Variants in CLASP2 observed in about 807,000 individuals in gnomAD.
CLASP2 encodes CLIP-associating protein 2.
CLASP2 carries 47 observed loss-of-function variants against 194.4 expected under a neutral mutation model. The observed-to-expected ratio is 0.24, with a 90% CI of 0.19 to 0.31. The LOEUF (loss-of-function observed/expected upper bound fraction) is 0.31. Among genes scored for constraint, CLASP2 ranks in the 10% least tolerant of loss-of-function variants. The pLI, the probability that CLASP2 is intolerant of heterozygous loss-of-function variation, is 1.00. For missense variants in CLASP2, 1,445 were observed against 1,823.6 expected, an observed-to-expected ratio of 0.79 and a Z score of 3.78; for synonymous variants, 619 against 633.5, an observed-to-expected ratio of 0.98 and a Z score of 0.34.
At chr3:33,679,866 T>G (rs920025900) in intron 6 of CLASP2, among the ~76,000 whole-genome samples, 2 of 152,188 alleles carry the variant, frequency 1.3e-5, no homozygotes, top group East Asian at 3.8e-4. Flanking sequence ...TGCAACACAG[T>G]GATTGCATTC....
chr3:33,687,607 T>C (rs1396205409), intron 4 of CLASP2, among the ~76,000 whole-genome samples: 1 of 152,178 alleles, frequency 6.6e-6, no homozygotes, highest in Non-Finnish European at 1.5e-5. Flanking sequence ...TTATAGGCTC[T>C]AGAGGGCAGA....
At chr3:33,693,966 C>T (rs2091617541) in intron 2 of CLASP2, among the ~76,000 whole-genome samples, 1 of 151,760 alleles carries the variant, frequency 6.6e-6, no homozygotes, top group South Asian at 2.1e-4. Context: ...AAGTATTTAA[C>T]TGTATTAAGA....
At chr3:33,620,282 C>T (rs938411717) in intron 11 of CLASP2, among the ~76,000 whole-genome samples, 1 of 152,156 alleles carries the variant, frequency 6.6e-6, no homozygotes, top group African/African-American at 2.4e-5. Context: ...TACAACTCTA[C>T]CATATCTTAT....
intron 9 of CLASP2, among the ~76,000 whole-genome samples, chr3:33,628,144 GAGAGTA>G (rs1009438410): frequency 6.6e-6 from 1 of 152,160 alleles, no homozygotes; most frequent in African/African-American, 2.4e-5. Context: ...TTGCTTAACA[GAGAGTA>G]AGAGCAAGAG....
intron 23 of CLASP2, among the ~76,000 whole-genome samples, chr3:33,579,768 G>C (rs977387331): frequency 1.1e-4 from 17 of 152,106 alleles, no homozygotes; most frequent in Non-Finnish European, 2.5e-4. Context: ...TTATAGATGA[G>C]GAAACTCAGG....
rs1575561323 is a variant in CLASP2 at position 33,501,566 on chromosome 3, T to C, written c.4434+86A>G. The C allele has an allele frequency of 3.8e-6, 3 of 786,340 alleles. No homozygotes were observed. In the Middle Eastern group the frequency reaches 7.9e-4, roughly 208 times the overall value. 48.7% of individuals were successfully genotyped at this position (786,340 alleles called of 1,614,324 possible). On this transcript the variant is annotated intron_variant, in intron 38 of 38. Transcript: ENST00000682230. ...AAAGCCTGACTTATTAAATGCCAAA[T>C]AAAAAGCTTACTGTTACAGACATGT...
At chr3:33,687,268 G>A (rs2090793173) in intron 4 of CLASP2, 133 bp from the exon 5 acceptor site, 2 of 575,508 alleles carry the variant, frequency 3.5e-6, no homozygotes, top group Non-Finnish European at 6.1e-6. Context: ...ATTAAAACAT[G>A]AAGGATATGA....
intron 8 of CLASP2, among the ~76,000 whole-genome samples, chr3:33,639,541 T>C (rs1163166986): frequency 6.6e-6 from 1 of 152,232 alleles, no homozygotes; most frequent in African/African-American, 2.4e-5. Flanking sequence ...GTCACTTTAA[T>C]TTTTGCACAG....
At position 33,544,628 on chromosome 3, in the gene CLASP2, T is replaced by C. The variant is rs138207962; in HGVS notation, c.3297+70A>G. ...TATTAAGGATCAAGTTTACTTCGTA[T>C]AAAAGAAAGCAATTATTATTAAATC... On this transcript the variant is annotated intron_variant, in intron 31 of 38. Coordinates refer to ENST00000682230, the MANE Select transcript of CLASP2 (RefSeq NM_001365631.1). 321 of 1,413,820 alleles carry C rather than the reference T, an allele frequency of 2.3e-4. 4 individuals are homozygous for C. The African/African-American group carries it at 4.2e-3, about 18-fold the overall frequency. The allele number at this position is 1,413,820 out of a possible 1,614,324, so 87.6% of individuals were successfully genotyped here.
rs574683962 is a variant in CLASP2 at position 33,555,957 on chromosome 3, A to C, written c.3009+3350T>G. 2.0e-5 allele frequency among the ~76,000 whole-genome samples: 3 copies of C among 152,286 alleles called. No homozygotes were observed. The East Asian group carries it at 5.8e-4, about 29-fold the overall frequency. On this transcript the variant is annotated intron_variant, in intron 29 of 38. Transcript: ENST00000682230. ...CATTTGAACATGTATATTTATTAGG[A>C]TATTTTACAAGGTTATACCTAGTTT...
At position 33,581,925 on chromosome 3, in the gene CLASP2, C is replaced by T. The variant is rs2066241470; in HGVS notation, c.2243G>A (p.Arg748Gln). The change falls in exon 23 of 39, where the codon CGA becomes CAA. Residue 748 changes from arginine to glutamine, a missense_variant. Coordinates refer to ENST00000682230, the MANE Select transcript of CLASP2 (RefSeq NM_001365631.1). ...ACTTGGTCGAGGAATACGACTGCTT[C>T]GGGCTGGTGTGAAGCAACAGCAGCA... ...EASPSRLSVA[R>Q]SSRIPRPSVS... The T allele has an allele frequency of 1.2e-6, 2 of 1,611,284 alleles. No homozygotes were observed. The highest frequency in any genetic ancestry group is 2.2e-5 in the East Asian group (1 of 44,878).
chr3:33,514,063 C>A (rs760241095), intron 36 of CLASP2, among the ~76,000 whole-genome samples: 1 of 152,236 alleles, frequency 6.6e-6, no homozygotes, highest in African/African-American at 2.4e-5. Context: ...TCTTAGCTCA[C>A]TGCAGCCTCC....
At chr3:33,711,013 G>A (rs1391001507) in intron 1 of CLASP2, among the ~76,000 whole-genome samples, 1 of 152,202 alleles carries the variant, frequency 6.6e-6, no homozygotes, top group African/African-American at 2.4e-5. Flanking sequence ...GATGATTGCA[G>A]AAGAGGTACT....
At chr3:33,555,133 C>T (rs1012625116) in intron 29 of CLASP2, among the ~76,000 whole-genome samples, 14 of 151,992 alleles carry the variant, frequency 9.2e-5, no homozygotes, top group African/African-American at 2.7e-4. Flanking sequence ...TGTTAAATAA[C>T]TTGATTTAGC....
rs1054371494 is a variant in CLASP2, at chr3:33,680,347, A to C, written c.644+4012T>G. 2.6e-5 allele frequency among the ~76,000 whole-genome samples: 4 copies of C among 152,196 alleles called. No homozygotes were observed. The East Asian group carries it at 5.8e-4, about 22-fold the overall frequency. ...AAGGGTCACCCCTAGTGCAAACTAT[A>C]ATCTTTGGGTGATAATGATATGTCA... On this transcript the variant is annotated intron_variant, in intron 6 of 38. Transcript: ENST00000682230.
intron 10 of CLASP2, 118 bp from the exon 11 acceptor site, chr3:33,622,398 A>C: frequency 1.5e-6 from 1 of 655,440 alleles, no homozygotes; most frequent in South Asian, 4.6e-5. Context: ...ATAATGTTTC[A>C]TTACATTACT....
At position 33,619,570 on chromosome 3, in the gene CLASP2, A is replaced by G. The variant is rs756278971; in HGVS notation, c.1317+33T>C. ...AAGAAGAAACAAAAGTGGGGGGAGG[A>G]GGCAGCAGTAGAAAACGAGAGAGCA... On this transcript the variant is annotated intron_variant, in intron 12 of 38. Transcript: ENST00000682230. 240 of 1,522,870 alleles carry G rather than the reference A, an allele frequency of 1.6e-4. 2 individuals are homozygous for G. The highest frequency in any genetic ancestry group is 1.6e-5 in the Non-Finnish European group (18 of 1,133,512). The allele number at this position is 1,522,870 out of a possible 1,614,324, so 94.3% of individuals were successfully genotyped here.
At chr3:33,641,803 C>T (rs918428560) in intron 8 of CLASP2, among the ~76,000 whole-genome samples, 1 of 90 alleles carries the variant, frequency 0.011, no homozygotes, top group Admixed American at 0.1. Flanking sequence ...TTTGTCAAAC[C>T]CAGTGGCTGT....
At chr3:33,639,877 G>A (rs941212068) in intron 8 of CLASP2, among the ~76,000 whole-genome samples, 3 of 152,176 alleles carry the variant, frequency 2.0e-5, no homozygotes, top group African/African-American at 7.2e-5. Context: ...ACCCGGAGAT[G>A]ATCCAAGAGG....
Sources: gnomAD v4.1 joint callset for allele counts (sites outside exome capture counted in the v4.1 genomes callset) on GRCh38, gnomAD v4.1.1 for gene constraint, MANE v1.5 for transcripts, NCBI Gene and HGNC (gene_info 2026-07-23, HGNC 2026-07-21) for gene names.